The following RYR2 variants were observed in gnomAD, a reference collection of about 807,000 sequenced individuals.
RYR2 encodes ryanodine receptor 2, also known as cardiac muscle ryanodine receptor-calcium release channel.
RYR2 carries 227 observed loss-of-function variants against 601.1 expected under a neutral mutation model. The ratio of observed to expected loss-of-function variants is 0.38; its 90% CI spans 0.34 to 0.42. RYR2 has a LOEUF of 0.42. Among genes scored for constraint, RYR2 ranks in the 10% least tolerant of loss-of-function variants. The pLI is 1.00. For missense variants in RYR2, 4,646 were observed against 6,156.5 expected (o/e 0.75, Z 8.21); for synonymous variants, 2,223 against 2,175.1 (o/e 1.02, Z -0.61).
At chr1:237,396,886 A>C (rs1034516702) in intron 10 of RYR2, among the ~76,000 whole-genome samples, 7 of 152,218 alleles carry the variant, frequency 4.6e-5, no homozygotes, top group African/African-American at 1.7e-4. Context: ...GAAAACAAAC[A>C]TAAAAGTTTT....
At chr1:237,083,438 C>CA (rs1665972151) in intron 1 of RYR2, among the ~76,000 whole-genome samples, 1 of 152,086 alleles carries the variant, frequency 6.6e-6, no homozygotes, top group African/African-American at 2.4e-5. Context: ...GAATTTAAAA[C>CA]AAAAAACATG....
chr1:237,368,675 T>C (rs886138063), intron 5 of RYR2, among the ~76,000 whole-genome samples: 1 of 152,180 alleles, frequency 6.6e-6, no homozygotes, highest in Non-Finnish European at 1.5e-5. Flanking sequence ...AGCACTCTTC[T>C]ATTTCATGGA....
chr1:237,627,363 A>T (rs570783561), intron 40 of RYR2, among the ~76,000 whole-genome samples: 1 of 152,356 alleles, frequency 6.6e-6, no homozygotes, highest in South Asian at 2.1e-4. Flanking sequence ...GACTCAACTG[A>T]GGAGACAGTT....
At chr1:237,456,910 C>T (rs1469127047) in intron 16 of RYR2, among the ~76,000 whole-genome samples, 175 bp downstream of exon 16, 1 of 151,970 alleles carries the variant, frequency 6.6e-6, no homozygotes, top group Non-Finnish European at 1.5e-5. Context: ...GACCCCATCT[C>T]TACAAAAAAT....
intron 16 of RYR2, among the ~76,000 whole-genome samples, chr1:237,466,444 G>T (rs1380562292): frequency 1.3e-5 from 2 of 152,054 alleles, no homozygotes; most frequent in African/African-American, 4.8e-5. Context: ...TGGGATTATA[G>T]GTATGAGCCA....
At chr1:237,345,284 A>C (rs1698194060) in intron 3 of RYR2, among the ~76,000 whole-genome samples, 2 of 151,926 alleles carry the variant, frequency 1.3e-5, no homozygotes, top group African/African-American at 4.8e-5. Flanking sequence ...AATGTGTAAA[A>C]ATTTTTCTGT....
intron 14 of RYR2, among the ~76,000 whole-genome samples, chr1:237,453,387 T>G (rs187358956): frequency 6.6e-6 from 1 of 152,262 alleles, no homozygotes; most frequent in Admixed American, 6.5e-5. Context: ...ATGACATATT[T>G]TAAATAATTT....
intron 24 of RYR2, among the ~76,000 whole-genome samples, chr1:237,529,512 T>C (rs981838845): frequency 6.6e-6 from 1 of 152,142 alleles, no homozygotes. Context: ...TATATACATA[T>C]AACCATCAAC....
chr1:237,690,792 G>A (rs529731582), intron 63 of RYR2, among the ~76,000 whole-genome samples: 1 of 152,268 alleles, frequency 6.6e-6, no homozygotes, highest in East Asian at 1.9e-4. Flanking sequence ...GAGCCTGGAG[G>A]GCAGAGGTTG....
At chr1:237,658,845 G>T (rs1479750582) in intron 54 of RYR2, among the ~76,000 whole-genome samples, 1 of 152,122 alleles carries the variant, frequency 6.6e-6, no homozygotes, top group Non-Finnish European at 1.5e-5. Context: ...CATCGGCCAG[G>T]TGATTTTTTT....
intron 2 of RYR2, among the ~76,000 whole-genome samples, chr1:237,327,140 G>A (rs1215525242): frequency 6.6e-6 from 1 of 152,042 alleles, no homozygotes; most frequent in Non-Finnish European, 1.5e-5. Context: ...AAGTTTTCCT[G>A]AAAGGTAAAC....
chr1:237,182,103 G>T (rs1267733345), intron 1 of RYR2, among the ~76,000 whole-genome samples: 8 of 148,548 alleles, frequency 5.4e-5, no homozygotes, highest in African/African-American at 2.0e-4. Flanking sequence ...ACTCCCTGGG[G>T]TTTATTTATT....
chr1:237,685,566 G>A (rs1686311287), intron 62 of RYR2, among the ~76,000 whole-genome samples: 1 of 152,190 alleles, frequency 6.6e-6, no homozygotes, highest in South Asian at 2.1e-4. Context: ...ATACTAGAGA[G>A]GAATAGGTAA....
chr1:237,312,306 C>A (rs1694655469), intron 2 of RYR2, among the ~76,000 whole-genome samples: 1 of 152,152 alleles, frequency 6.6e-6, no homozygotes, highest in Non-Finnish European at 1.5e-5. Flanking sequence ...CAAGCTGTTG[C>A]CGCAGAGATG....
At chr1:237,786,691 C>A (rs912393196) in intron 91 of RYR2, among the ~76,000 whole-genome samples, 1 of 152,182 alleles carries the variant, frequency 6.6e-6, no homozygotes. Context: ...ATAATCGAAG[C>A]CTACATCTTT....
chr1:237,783,582 T>C (rs1695302200), intron 89 of RYR2, 93 bp from the exon 90 acceptor site: 1 of 726,282 alleles, frequency 1.4e-6, no homozygotes, highest in African/African-American at 1.8e-5. Flanking sequence ...ATATCCTTGA[T>C]TCAGATGTTA....
chr1:237,122,292 A>C (rs780003966), intron 1 of RYR2, among the ~76,000 whole-genome samples: 1 of 152,212 alleles, frequency 6.6e-6, no homozygotes, highest in South Asian at 2.1e-4. Flanking sequence ...CTCAGTAAGG[A>C]CAGACTTAAC....
intron 66 of RYR2, among the ~76,000 whole-genome samples, chr1:237,702,349 C>A (rs1328004212): frequency 6.6e-6 from 1 of 152,114 alleles, no homozygotes; most frequent in African/African-American, 2.4e-5. Context: ...AGTATCGTTT[C>A]TCATTATATA....
chr1:237,368,044 G>T (rs1160021231), intron 5 of RYR2, among the ~76,000 whole-genome samples: 3 of 152,140 alleles, frequency 2.0e-5, no homozygotes, highest in Non-Finnish European at 1.5e-5. Context: ...GCTGCAGGAG[G>T]ATGGGGAGAG....
Sources: allele counts gnomAD v4.1 joint callset (sites outside exome capture counted in the v4.1 genomes callset), GRCh38; gene constraint gnomAD v4.1.1; transcripts MANE v1.5; gene names NCBI Gene and HGNC (gene_info 2026-07-23, HGNC 2026-07-21).